GNB1: variants seen among roughly 807,000 people sequenced by gnomAD.
The protein encoded by GNB1 is G protein subunit beta 1, also known as guanine nucleotide-binding protein G(I)/G(S)/G(T) subunit beta-1.
In GNB1, 2 loss-of-function variants were observed where a neutral mutation model predicts 42.9. The observed-to-expected ratio is 0.05, with a 90% CI of 0.02 to 0.15. The LOEUF is 0.15. Among genes scored for constraint, GNB1 ranks in the 10% least tolerant of loss-of-function variants. The probability of loss-of-function intolerance (pLI) is 1.00; values close to 1 mark genes in which losing one functional copy is unlikely to be tolerated. For missense variants in GNB1, 193 were observed against 462.2 expected (o/e 0.42, Z 5.34); for synonymous variants, 183 against 174.7 (o/e 1.05, Z -0.38).
rs1465186887 is a variant in GNB1 at position 1,787,493 on chromosome 1, G to A, written c.917-56C>T. ...AAGCCCAGAGGCATCGATCTCACCT[G>A]TGTGCCATGTTGTGACGAGGACGGA... On this transcript the variant is annotated intron_variant, in intron 10 of 11. Transcript: ENST00000378609. The surrounding 1 kb of genome is among the most constrained non-coding windows in gnomAD (Gnocchi z 4.4). 1.2e-5 allele frequency: 12 copies of A among 1,041,130 alleles called. No homozygotes were observed. The highest frequency in any genetic ancestry group is 1.6e-5 in the Non-Finnish European group (11 of 666,818). 64.5% of individuals were successfully genotyped at this position (1,041,130 alleles called of 1,614,324 possible). A position where few individuals can be genotyped will look rare whatever the true frequency, so the allele number is the denominator to read the frequency against.
intron 1 of GNB1, among the ~76,000 whole-genome samples, chr1:1,850,104 T>G (rs1166082927): frequency 6.6e-6 from 1 of 151,800 alleles, no homozygotes; most frequent in Non-Finnish European, 1.5e-5. Context: ...TAGCTGGGAT[T>G]ACAGGTGCCC....
chr1:1,837,583 C>G (rs139641108), intron 2 of GNB1, among the ~76,000 whole-genome samples: 1 of 145,900 alleles, frequency 6.9e-6, no homozygotes, highest in Non-Finnish European at 1.5e-5. Context: ...TTTTTTGACA[C>G]GGAGTCTCAC....
rs902227606 is a variant in GNB1 at position 1,812,395 on chromosome 1, C to T, written c.203+3361G>A. On this transcript the variant is annotated intron_variant, in intron 5 of 11. Transcript: ENST00000378609. ...ATATAGATATACATGTATATATATA[C>T]ACACACATACATACACACACACACA... Among the ~76,000 whole-genome samples, 14 of 84,142 alleles carry T rather than the reference C, an allele frequency of 1.7e-4. 1 individual carries two copies. Among genetic ancestry groups the T allele is most frequent in the Admixed American group, 6.4e-4 (4 of 6,246 alleles). 55.2% of individuals were successfully genotyped at this position (84,142 alleles called of 152,430 possible).
chr1:1,885,342 G>A (rs1194016443), intron 1 of GNB1, among the ~76,000 whole-genome samples: 1 of 150,740 alleles, frequency 6.6e-6, no homozygotes. Flanking sequence ...GAACCCGGGA[G>A]GCAGAAGTTG....
chr1:1,841,921 C>G (rs1206514928), intron 1 of GNB1, among the ~76,000 whole-genome samples: 1 of 152,224 alleles, frequency 6.6e-6, no homozygotes, highest in Non-Finnish European at 1.5e-5. Context: ...CAGTACTCAG[C>G]AGCCAGAAGG....
Position 1,886,844 on chromosome 1 carries a change from T to A in GNB1, c.-96+3976A>T, listed in dbSNP as rs766018671. Among the ~76,000 whole-genome samples the A allele has an allele frequency of 6.2e-4, 94 of 152,330 alleles. 1 individual carries two copies. The highest frequency in any genetic ancestry group is 3.4e-3 in the Admixed American group (52 of 15,298). ...CCTCAGCCTCCTGAGTAGCTGGGAT[T>A]ACAGGTGCCCAGCACCACGCCCAGC... On this transcript the variant is annotated intron_variant, in intron 1 of 11. Coordinates refer to ENST00000378609, the MANE Select transcript of GNB1 (RefSeq NM_002074.5).
At chr1:1,822,389 C>T (rs1190647877) in intron 3 of GNB1, among the ~76,000 whole-genome samples, 11 of 151,712 alleles carry the variant, frequency 7.3e-5, no homozygotes, top group Admixed American at 3.3e-4. Context: ...CTGCAAGCTC[C>T]GCCTCCCAGG....
intron 4 of GNB1, among the ~76,000 whole-genome samples, chr1:1,816,064 CA>C (rs1222571140): frequency 1.3e-5 from 2 of 152,208 alleles, no homozygotes; most frequent in Non-Finnish European, 2.9e-5. Context: ...GGCTGGTCAT[CA>C]GGAACCTGTG....
At chr1:1,850,559 A>C (rs181423795) in intron 1 of GNB1, among the ~76,000 whole-genome samples, 2 of 152,190 alleles carry the variant, frequency 1.3e-5, no homozygotes, top group East Asian at 3.9e-4. Flanking sequence ...TTATTCATCT[A>C]TAATGTTTTT....
rs953226836 is a variant in GNB1, at chr1:1,860,120, C to A, written c.-95-20882G>T. 2.0e-5 allele frequency among the ~76,000 whole-genome samples: 3 copies of A among 152,212 alleles called. No individual in the cohort carries two copies. The South Asian group carries it at 6.2e-4, about 32-fold the overall frequency. On this transcript the variant is annotated intron_variant, in intron 1 of 11. Coordinates refer to ENST00000378609, the MANE Select transcript of GNB1 (RefSeq NM_002074.5). ...CCATAAAAAGGAATGAAAGCATGTC[C>A]TTTGCAGCAACATGGATGCAGCTGG...
At chr1:1,801,409 C>T (rs1646624992) in intron 7 of GNB1, among the ~76,000 whole-genome samples, 2 of 152,184 alleles carry the variant, frequency 1.3e-5, no homozygotes, top group Admixed American at 6.5e-5. Flanking sequence ...TACAACAATG[C>T]ATCATGGAGC....
chr1:1,834,490 A>G (rs1265064552), intron 2 of GNB1, among the ~76,000 whole-genome samples: 1 of 152,096 alleles, frequency 6.6e-6, no homozygotes, highest in African/African-American at 2.4e-5. Context: ...ATCTTCAAAC[A>G]TGTTGAGGCC....
intron 8 of GNB1, among the ~76,000 whole-genome samples, chr1:1,791,317 A>G (rs1646478522): frequency 6.6e-6 from 1 of 152,050 alleles, no homozygotes; most frequent in South Asian, 2.1e-4. Context: ...GATTACAGGC[A>G]TGCGCCACCA....
rs1215304548 is a variant in GNB1, at chr1:1,790,375, A to G, written c.699+20T>C. 1 of 1,581,882 alleles carries G rather than the reference A, an allele frequency of 6.3e-7. No individual in the cohort carries two copies. ...CAGAGACGGCAGAGGACCCGACCCC[A>G]CACCTCCACCCAGACTCACGCAAAT... On this transcript the variant is annotated intron_variant, in intron 9 of 11. Transcript: ENST00000378609. The surrounding 1 kb of genome is among the most constrained non-coding windows in gnomAD (Gnocchi z 5.4).
At chr1:1,864,612 C>T (rs1002600393) in intron 1 of GNB1, among the ~76,000 whole-genome samples, 2 of 152,050 alleles carry the variant, frequency 1.3e-5, no homozygotes, top group African/African-American at 4.8e-5. Context: ...ATTCCTGCAC[C>T]CCAGGAAGTA....
intron 2 of GNB1, among the ~76,000 whole-genome samples, chr1:1,837,583 C>T (rs139641108): frequency 1.2e-4 from 18 of 146,024 alleles, no homozygotes; most frequent in African/African-American, 4.1e-4. Flanking sequence ...TTTTTTGACA[C>T]GGAGTCTCAC....
At chr1:1,838,024 G>A (rs1317048295) in intron 2 of GNB1, among the ~76,000 whole-genome samples, 1 of 147,914 alleles carries the variant, frequency 6.8e-6, no homozygotes, top group Non-Finnish European at 1.5e-5. Flanking sequence ...CCAACATGGT[G>A]AAACCCCGTC....
intron 5 of GNB1, among the ~76,000 whole-genome samples, chr1:1,813,960 C>T (rs1269743437): frequency 6.6e-6 from 1 of 152,196 alleles, no homozygotes; most frequent in Admixed American, 6.5e-5. Flanking sequence ...CTTAAGTCTA[C>T]TTTACTAACA....
At chr1:1,888,598 C>G (rs1346857765) in intron 1 of GNB1, among the ~76,000 whole-genome samples, 3 of 152,078 alleles carry the variant, frequency 2.0e-5, no homozygotes, top group Non-Finnish European at 2.9e-5. Flanking sequence ...AGCACTTTGG[C>G]AGATCAAGGC....
Sources: gnomAD v4.1 joint callset for allele counts (sites outside exome capture counted in the v4.1 genomes callset) on GRCh38, gnomAD v4.1.1 for gene constraint, Gnocchi (gnomAD v3.1) non-coding constraint, MANE v1.5 for transcripts, NCBI Gene and HGNC (gene_info 2026-07-23, HGNC 2026-07-21) for gene names.